The following RASAL2 variants were observed in gnomAD, a reference collection of about 807,000 sequenced individuals.
The protein encoded by RASAL2 is ras GTPase-activating protein nGAP.
In RASAL2, 58 loss-of-function variants were observed where a neutral mutation model predicts 128.9. The observed-to-expected ratio is 0.45, with a 90% CI of 0.36 to 0.56. The LOEUF is 0.56. RASAL2 is among the 20% of genes least tolerant of loss of function. The pLI, the probability that RASAL2 is intolerant of heterozygous loss-of-function variation, is 0.00. For synonymous variants in RASAL2, 561 were observed against 580.8 expected (o/e 0.97, Z 0.49); for missense variants, 1,360 against 1,601.6 (o/e 0.85, Z 2.57).
chr1:178,249,437 C>G (rs1188307441), intron 1 of RASAL2, among the ~76,000 whole-genome samples: 2 of 152,004 alleles, frequency 1.3e-5, no homozygotes, highest in African/African-American at 4.8e-5. Context: ...GTTAGCAGTT[C>G]CTGTAACCTT....
chr1:178,253,838 A>G (rs554727148), intron 1 of RASAL2, among the ~76,000 whole-genome samples: 2 of 152,078 alleles, frequency 1.3e-5, no homozygotes, highest in Admixed American at 6.5e-5. Context: ...GGCCATTTTC[A>G]CTTCTTTTGT....
chr1:178,438,301 G>A lies in RASAL2; in HGVS notation c.675-1121G>A, dbSNP rs558448472. On this transcript the variant is annotated intron_variant, in intron 5 of 17. Coordinates refer to ENST00000367649, the MANE Select transcript of RASAL2 (RefSeq NM_170692.4). The stretch of plus-strand genomic sequence containing the variant: ...TATAATTTAACCAAAAGCTACTCTG[G>A]CATTAAATATTTAAGTTCCTTTTAG... 9.2e-5 allele frequency among the ~76,000 whole-genome samples: 14 copies of A among 151,972 alleles called. 1 individual carries two copies. Among genetic ancestry groups the A allele is most frequent in the African/African-American group, 3.4e-4 (14 of 41,482 alleles).
intron 4 of RASAL2, among the ~76,000 whole-genome samples, chr1:178,395,865 G>A (rs1673192789): frequency 6.7e-6 from 1 of 150,116 alleles, no homozygotes. Context: ...TATTACCAAA[G>A]GTAGAAATCA....
intron 1 of RASAL2, among the ~76,000 whole-genome samples, chr1:178,101,619 TAAAATG>T (rs1007959672): frequency 1.3e-5 from 2 of 152,322 alleles, no homozygotes; most frequent in African/African-American, 4.8e-5. Flanking sequence ...TCTGAAAAGT[TAAAATG>T]AAACCTTAAA....
chr1:178,257,962 G>A (rs1345660273), intron 1 of RASAL2, among the ~76,000 whole-genome samples: 2 of 151,708 alleles, frequency 1.3e-5, no homozygotes, highest in Non-Finnish European at 2.9e-5. Flanking sequence ...TAAATAATTG[G>A]ACTTCATCAA....
rs567926165 is a variant in RASAL2 at position 178,138,052 on chromosome 1, G to T, written c.202+43358G>T. Among the ~76,000 whole-genome samples the T allele has an allele frequency of 5.6e-4, 86 of 152,280 alleles. 1 individual carries two copies. The highest frequency in any genetic ancestry group is 2.2e-3 in the Admixed American group (34 of 15,298). On this transcript the variant is annotated intron_variant, in intron 1 of 17. Transcript: ENST00000367649. ...CTCAGTGCTTTCCAGAAGCTGTCAG[G>T]AGAAGTGCCACGTGTATTTTCTACC...
chr1:178,328,416 C>T (rs548891349), intron 3 of RASAL2, among the ~76,000 whole-genome samples: 135 of 152,122 alleles, frequency 8.9e-4, no homozygotes, highest in African/African-American at 3.2e-3. Flanking sequence ...ATGAATATTC[C>T]AATCGTTATT....
chr1:178,312,552 T>A (rs1254156634), intron 3 of RASAL2, among the ~76,000 whole-genome samples: 1 of 152,152 alleles, frequency 6.6e-6, no homozygotes, highest in Admixed American at 6.6e-5. Flanking sequence ...AAGATATGTT[T>A]TACTAAGAAT....
At chr1:178,308,911 C>G (rs1668116132) in intron 3 of RASAL2, among the ~76,000 whole-genome samples, 2 of 151,982 alleles carry the variant, frequency 1.3e-5, no homozygotes, top group Admixed American at 1.3e-4. Flanking sequence ...TTTCAAGATG[C>G]TAGAATCTTC....
chr1:178,164,305 C>A (rs936153074), intron 1 of RASAL2, among the ~76,000 whole-genome samples: 3 of 152,084 alleles, frequency 2.0e-5, no homozygotes, highest in African/African-American at 7.2e-5. Flanking sequence ...CCAATTATAA[C>A]ATGTTATTTC....
intron 5 of RASAL2, among the ~76,000 whole-genome samples, chr1:178,426,581 T>A (rs1230158013): frequency 2.0e-5 from 3 of 151,742 alleles, no homozygotes; most frequent in Admixed American, 1.3e-4. Flanking sequence ...ATTTATATCA[T>A]CGTGACATAT....
chr1:178,330,287 GTTCTGCTTGTAATATATATCTAAGA>G (rs1669232020), intron 3 of RASAL2, among the ~76,000 whole-genome samples: 1 of 152,124 alleles, frequency 6.6e-6, no homozygotes, highest in South Asian at 2.1e-4. Flanking sequence ...TGTCTTAATG[GTTCTGCTTGTAATATATATCTAAGA>G]TTCTGCAAGC....
chr1:178,110,650 A>ATATATATATATATATATG lies in RASAL2; in HGVS notation c.202+15959_202+15960insATATATATATATATGTAT, dbSNP rs68137228. 1.8e-3 allele frequency among the ~76,000 whole-genome samples: 249 copies of ATATATATATATATATATG among 139,156 alleles called. 1 individual carries two copies. The highest frequency in any genetic ancestry group is 3.5e-3 in the Admixed American group (48 of 13,764). 91.3% of individuals were successfully genotyped at this position (139,156 alleles called of 152,430 possible). ...ATATAGTGTATACATATATATATAT[A>ATATATATATATATATATG]TATGTATGTATACTGCAAACTCCAC... On this transcript the variant is annotated intron_variant, in intron 1 of 17. Coordinates refer to ENST00000367649, the MANE Select transcript of RASAL2 (RefSeq NM_170692.4).
At chr1:178,290,725 A>G (rs1398077391) in intron 2 of RASAL2, among the ~76,000 whole-genome samples, 6 of 152,006 alleles carry the variant, frequency 3.9e-5, no homozygotes, top group Non-Finnish European at 7.4e-5. Flanking sequence ...ACCCAGGCTG[A>G]AGTGCGGTGG....
intron 1 of RASAL2, among the ~76,000 whole-genome samples, chr1:178,114,624 C>G (rs1379268593): frequency 1.3e-5 from 2 of 151,858 alleles, no homozygotes; most frequent in Non-Finnish European, 2.9e-5. Context: ...TGGGTTCATG[C>G]CATTCTCCTG....
intron 3 of RASAL2, among the ~76,000 whole-genome samples, chr1:178,383,740 A>G (rs1672403361): frequency 6.6e-6 from 1 of 152,168 alleles, no homozygotes; most frequent in Non-Finnish European, 1.5e-5. Context: ...TGGAAGAAGA[A>G]CCCTCCTAAT....
chr1:178,458,561 A>C lies in RASAL2; in HGVS notation c.3252+17A>C. On this transcript the variant is annotated intron_variant, in intron 14 of 17. Coordinates refer to ENST00000367649, the MANE Select transcript of RASAL2 (RefSeq NM_170692.4). ...ACACAGCAGGTAGGTGTGAGTGCTGAAGGGGCCTGGCTTCTACTTGGTCCA... is the reference window on the plus strand; with the variant it reads ...ACACAGCAGGTAGGTGTGAGTGCTGCAGGGGCCTGGCTTCTACTTGGTCCA... 1.3e-6 allele frequency: 2 copies of C among 1,582,852 alleles called. No individual in the cohort carries two copies. Among genetic ancestry groups the C allele is most frequent in the South Asian group, 1.2e-5 (1 of 85,400 alleles).
chr1:178,308,602 G>A (rs1364808458), intron 3 of RASAL2, among the ~76,000 whole-genome samples: 2 of 146,064 alleles, frequency 1.4e-5, no homozygotes, highest in African/African-American at 5.1e-5. Flanking sequence ...TTACAGTGGT[G>A]TGGTGTAATC....
intron 1 of RASAL2, among the ~76,000 whole-genome samples, chr1:178,154,171 G>A (rs1482090862): frequency 1.3e-5 from 2 of 150,982 alleles, no homozygotes; most frequent in Non-Finnish European, 3.0e-5. Context: ...TAAAGAGATG[G>A]GGTCTTGCTC....
Sources: allele counts gnomAD v4.1 joint callset (sites outside exome capture counted in the v4.1 genomes callset), GRCh38; gene constraint gnomAD v4.1.1; transcripts MANE v1.5; gene names NCBI Gene and HGNC (gene_info 2026-07-23, HGNC 2026-07-21).